LMNB1: variants seen among roughly 807,000 people sequenced by gnomAD.
LMNB1 encodes lamin B1.
In LMNB1, 23 loss-of-function variants were observed where a neutral mutation model predicts 67.1. The observed-to-expected ratio is 0.34, with a 90% confidence interval of 0.25 to 0.49. The LOEUF (loss-of-function observed/expected upper bound fraction) is 0.49. Ranked by LOEUF, LMNB1 falls within the 20% of genes least tolerant of loss-of-function variation. The pLI is 0.99. For synonymous variants in LMNB1, 281 were observed against 282.9 expected (o/e 0.99, Z 0.07); for missense variants, 634 against 746.5 (o/e 0.85, Z 1.76).
intron 1 of LMNB1, among the ~76,000 whole-genome samples, chr5:126,783,521 AAGTCT>A (rs1394650322): frequency 1.3e-5 from 2 of 152,148 alleles, no homozygotes; most frequent in Non-Finnish European, 2.9e-5. Context: ...AATGATTTAA[AAGTCT>A]AGGAAGCAGG....
intron 1 of LMNB1, among the ~76,000 whole-genome samples, chr5:126,787,400 C>G (rs944619498): frequency 8.1e-6 from 1 of 123,542 alleles, no homozygotes; most frequent in Non-Finnish European, 1.8e-5. Flanking sequence ...ATAACTGGAG[C>G]CATATATATG....
intron 1 of LMNB1, among the ~76,000 whole-genome samples, chr5:126,800,998 T>G (rs2112950424): frequency 8.0e-6 from 1 of 125,706 alleles, no homozygotes; most frequent in African/African-American, 3.0e-5. Context: ...TTTTTTTTTT[T>G]TTGGTGGTAG....
intron 10 of LMNB1, among the ~76,000 whole-genome samples, chr5:126,834,449 C>T (rs1342773942): frequency 1.3e-5 from 2 of 152,192 alleles, no homozygotes; most frequent in African/African-American, 4.8e-5. Flanking sequence ...TACCAGGTTT[C>T]TTAAAGGGCC....
chr5:126,820,969 G>T lies in LMNB1; in HGVS notation c.1220G>T (p.Arg407Leu). Reference protein sequence around the residue: ...RVTVSRASSSRSVRTTRGKRK... With the variant: ...RVTVSRASSSLSVRTTRGKRK... The stretch of plus-strand genomic sequence containing the variant: ...ACAGTATCCCGAGCATCCTCAAGTC[G>T]TAGTGTACGTACAACTAGAGGAAAG... Residue 407 changes from arginine to leucine, a missense_variant, in exon 7 of 11, where the codon CGT becomes CTT. Physicochemically the swap from Arg to Leu is moderately radical, Grantham distance 102. Transcript: ENST00000261366. 2 of 1,613,998 alleles carry T rather than the reference G, an allele frequency of 1.2e-6. No individual in the cohort carries two copies. Among genetic ancestry groups the T allele is most frequent in the Admixed American group, 3.3e-5 (2 of 59,992 alleles).
At chr5:126,798,008 C>T (rs2112944446) in intron 1 of LMNB1, among the ~76,000 whole-genome samples, 1 of 152,244 alleles carries the variant, frequency 6.6e-6, no homozygotes, top group East Asian at 1.9e-4. Flanking sequence ...ATTGTTTGAA[C>T]CCAGGAGGTG....
intron 1 of LMNB1, among the ~76,000 whole-genome samples, chr5:126,781,357 C>T (rs976255691): frequency 3.9e-5 from 6 of 152,180 alleles, no homozygotes; most frequent in Non-Finnish European, 7.3e-5. Context: ...GGTAAACTTT[C>T]TGAGTCCTGT....
intron 6 of LMNB1, 97 bp downstream of exon 6, chr5:126,819,239 A>G: frequency 1.3e-6 from 1 of 784,580 alleles, no homozygotes; most frequent in South Asian, 1.9e-5. Context: ...AAAGAACTTT[A>G]TTTTCTTGGT....
intron 5 of LMNB1, 74 bp from the exon 6 acceptor site, chr5:126,818,848 A>G: frequency 9.8e-7 from 1 of 1,017,078 alleles, no homozygotes; most frequent in African/African-American, 1.6e-5. Flanking sequence ...AGTCTAGGAA[A>G]TGATTTAAAA....
intron 5 of LMNB1, among the ~76,000 whole-genome samples, chr5:126,817,185 C>G (rs1462699656): frequency 1.3e-5 from 2 of 152,132 alleles, no homozygotes; most frequent in East Asian, 3.8e-4. Flanking sequence ...TAAATTGTTT[C>G]ATATTTGGCC....
intron 1 of LMNB1, among the ~76,000 whole-genome samples, chr5:126,789,427 A>G (rs1484923405): frequency 6.6e-6 from 1 of 152,150 alleles, no homozygotes; most frequent in Non-Finnish European, 1.5e-5. Flanking sequence ...TGTATGAAAG[A>G]GGGAGCTGTT....
rs113836631 is a variant in LMNB1 at position 126,785,222 on chromosome 5, G to A, written c.359+7355G>A. On this transcript the variant is annotated intron_variant, in intron 1 of 10. Transcript: ENST00000261366. Reference sequence around the variant, plus strand: ...AGGATCATCTCGATCTCCTGACCTCGTGATCCGCCCGCCTTGGCCTCCCAA... The same window carrying A: ...AGGATCATCTCGATCTCCTGACCTCATGATCCGCCCGCCTTGGCCTCCCAA... Among the ~76,000 whole-genome samples, 377 of 150,368 alleles carry A rather than the reference G, an allele frequency of 2.5e-3. 1 individual carries two copies. The highest frequency in any genetic ancestry group is 8.0e-3 in the African/African-American group (326 of 40,966).
At chr5:126,783,452 G>A (rs770442692) in intron 1 of LMNB1, among the ~76,000 whole-genome samples, 2 of 151,928 alleles carry the variant, frequency 1.3e-5, no homozygotes, top group Non-Finnish European at 2.9e-5. Flanking sequence ...TTATAACAGA[G>A]TTATGTTAAA....
chr5:126,835,249 T>TG (rs1314163365), intron 10 of LMNB1, among the ~76,000 whole-genome samples: 3 of 152,146 alleles, frequency 2.0e-5, no homozygotes, highest in African/African-American at 4.8e-5. Context: ...AGAGGGAAGA[T>TG]GGAAGGGCAG....
At position 126,836,362 on chromosome 5, in the gene LMNB1, C is replaced by T; in HGVS notation, c.*98C>T. On this transcript the variant is annotated 3_prime_UTR_variant, in exon 11 of 11. Transcript: ENST00000261366. ...GAAGCACAGAATATTTTTATATTTCCTTTATGTGAATTTTTAAGCTGCAAA... is the reference window on the plus strand; with the variant it reads ...GAAGCACAGAATATTTTTATATTTCTTTTATGTGAATTTTTAAGCTGCAAA... 2.3e-6 allele frequency: 2 copies of T among 856,068 alleles called. No homozygotes were observed. Among genetic ancestry groups the T allele is most frequent in the East Asian group, 5.1e-5 (2 of 39,466 alleles). The allele number at this position is 856,068 out of a possible 1,614,324, so 53.0% of individuals were successfully genotyped here.
At chr5:126,797,256 G>T (rs1278067750) in intron 1 of LMNB1, among the ~76,000 whole-genome samples, 1 of 152,086 alleles carries the variant, frequency 6.6e-6, no homozygotes, top group Non-Finnish European at 1.5e-5. Flanking sequence ...TTTTTTTCTG[G>T]TTGCAGTTAG....
intron 1 of LMNB1, among the ~76,000 whole-genome samples, chr5:126,804,026 A>T (rs972724524): frequency 3.3e-5 from 5 of 151,998 alleles, no homozygotes; most frequent in African/African-American, 1.2e-4. Context: ...GCATTGGGTT[A>T]TAACATTACT....
At chr5:126,831,955 G>T (rs1412481209) in intron 9 of LMNB1, among the ~76,000 whole-genome samples, 1 of 151,862 alleles carries the variant, frequency 6.6e-6, no homozygotes, top group East Asian at 1.9e-4. Flanking sequence ...AGCTCCCCCC[G>T]CCCCACCCCT....
chr5:126,802,675 A>AG (rs142624706), intron 1 of LMNB1, among the ~76,000 whole-genome samples: 11,286 of 152,190 alleles, frequency 0.074, 521 homozygotes, highest in Non-Finnish European at 0.1. Context: ...TCCTGACCTC[A>AG]GGTGATCCAC....
At chr5:126,804,155 C>A (rs1751355778) in intron 1 of LMNB1, among the ~76,000 whole-genome samples, 1 of 151,720 alleles carries the variant, frequency 6.6e-6, no homozygotes, top group Non-Finnish European at 1.5e-5. Flanking sequence ...TCACTGCAGC[C>A]TCAACCTCCT....
Sources: gnomAD v4.1 joint callset for allele counts (sites outside exome capture counted in the v4.1 genomes callset) on GRCh38, gnomAD v4.1.1 for gene constraint, MANE v1.5 for transcripts, NCBI Gene and HGNC (gene_info 2026-07-23, HGNC 2026-07-21) for gene names.